EPHA3: variants seen among roughly 807,000 people sequenced by gnomAD.
EPHA3 encodes ephrin type-A receptor 3.
A neutral mutation model predicts 107.1 loss-of-function variants in EPHA3; 42 were observed. The observed-to-expected ratio is 0.39, with a 90% CI of 0.31 to 0.51. The LOEUF (loss-of-function observed/expected upper bound fraction) is 0.51. Among genes scored for constraint, EPHA3 ranks in the 20% least tolerant of loss-of-function variants. The probability of loss-of-function intolerance (pLI) is 0.78; values close to 1 mark genes in which losing one functional copy is unlikely to be tolerated. For synonymous variants in EPHA3, 461 were observed against 424.8 expected, an observed-to-expected ratio of 1.09 and a Z score of -1.05; for missense variants, 1,183 against 1,211.2, an observed-to-expected ratio of 0.98 and a Z score of 0.35.
rs999862750 is a variant in EPHA3 at position 89,479,796 on chromosome 3, C to G, written c.*294C>G. ...GAAGAACTAGCATATAGCCATTGAT[C>G]ATAAACTGACTATCATAAAATCAAA... On this transcript the variant is annotated 3_prime_UTR_variant, in exon 17 of 17. Transcript: ENST00000336596. 3.4e-6 allele frequency: 1 copy of G among 297,066 alleles called. No individual in the cohort carries two copies. Among genetic ancestry groups the G allele is most frequent in the African/African-American group, 2.1e-5 (1 of 46,782 alleles). The allele number at this position is 297,066 out of a possible 1,614,324, so 18.4% of individuals were successfully genotyped here.
intron 16 of EPHA3, 76 bp downstream of exon 16, chr3:89,472,695 C>T (rs1213117863): frequency 2.8e-6 from 4 of 1,431,532 alleles, no homozygotes; most frequent in African/African-American, 1.8e-5. Context: ...AGATTTGTAA[C>T]ATCTTGGCTT....
intron 15 of EPHA3, among the ~76,000 whole-genome samples, chr3:89,460,792 T>A (rs1358840894): frequency 7.0e-6 from 1 of 143,880 alleles, no homozygotes; most frequent in African/African-American, 2.6e-5. Context: ...GAATCGAATA[T>A]GCCGAATACC....
intron 5 of EPHA3, among the ~76,000 whole-genome samples, chr3:89,382,289 C>G (rs1708525663): frequency 6.6e-6 from 1 of 151,950 alleles, no homozygotes; most frequent in Non-Finnish European, 1.5e-5. Context: ...GGGTGGATTA[C>G]CTGAGGTCAA....
Position 89,480,510 on chromosome 3 carries a change from G to C in EPHA3, c.*1008G>C, listed in dbSNP as rs186325629. On this transcript the variant is annotated 3_prime_UTR_variant, in exon 17 of 17. Transcript: ENST00000336596. The stretch of plus-strand genomic sequence containing the variant: ...TAGAGACTATCAACTCCCTCCTTTA[G>C]TGAAGGAGCCGTGTTAGAGCTTCCG... 2 of 233,224 alleles carry C rather than the reference G, an allele frequency of 8.6e-6. No individual in the cohort carries two copies. Among genetic ancestry groups the C allele is most frequent in the African/African-American group, 4.4e-5 (2 of 45,364 alleles). 14.4% of individuals were successfully genotyped at this position (233,224 alleles called of 1,614,324 possible).
intron 3 of EPHA3, among the ~76,000 whole-genome samples, chr3:89,221,937 G>A (rs6804377): frequency 0.9 from 137,157 of 152,160 alleles, 62,140 homozygotes; most frequent in Admixed American, 0.94. Context: ...GGCAATGGTG[G>A]TATAAAAAGG....
intron 3 of EPHA3, among the ~76,000 whole-genome samples, chr3:89,294,127 A>G (rs1027267162): frequency 3.3e-5 from 5 of 152,274 alleles, no homozygotes; most frequent in African/African-American, 1.2e-4. Context: ...CTCCTAACCC[A>G]AAGTGACAAT....
In EPHA3 at chr3:89,407,278, T is replaced by C. The variant is rs1709073184; in HGVS notation, c.1604T>C (p.Ile535Thr). ...EFETSPDSFS[I>T]SGESSQVVMI... ...CTCTTCAACCTCACAGCTTTCTCCA[T>C]CTCTGGTGAAAGTAGCCAAGTGGTC... Residue 535 changes from isoleucine (I) to threonine (T), a missense_variant, in exon 8 of 17, where the codon ATC becomes ACC. Transcript: ENST00000336596. 2 of 1,612,538 alleles carry C rather than the reference T, an allele frequency of 1.2e-6. No individual in the cohort carries two copies. Among genetic ancestry groups the C allele is most frequent in the Non-Finnish European group, 1.7e-6 (2 of 1,178,854 alleles).
At chr3:89,320,889 T>A (rs1707026985) in intron 3 of EPHA3, among the ~76,000 whole-genome samples, 1 of 152,032 alleles carries the variant, frequency 6.6e-6, no homozygotes, top group Non-Finnish European at 1.5e-5. Context: ...AATGTGAAAT[T>A]GAGAAGATTC....
At chr3:89,117,083 G>A (rs1576160386) in intron 1 of EPHA3, among the ~76,000 whole-genome samples, 1 of 152,080 alleles carries the variant, frequency 6.6e-6, no homozygotes, top group African/African-American at 2.4e-5. Flanking sequence ...AGCAAATAGA[G>A]AATTGTGGGT....
At chr3:89,196,335 T>A (rs1001122354) in intron 2 of EPHA3, among the ~76,000 whole-genome samples, 5 of 152,186 alleles carry the variant, frequency 3.3e-5, no homozygotes, top group African/African-American at 7.2e-5. Flanking sequence ...CCTGAAAACA[T>A]AACACTATGT....
intron 5 of EPHA3, among the ~76,000 whole-genome samples, chr3:89,343,048 CTTACA>C (rs1204242639): frequency 6.6e-6 from 1 of 152,134 alleles, no homozygotes; most frequent in African/African-American, 2.4e-5. Flanking sequence ...CTTCATTTGG[CTTACA>C]TTATGGACAT....
intron 11 of EPHA3, 21 bp from the exon 12 acceptor site, chr3:89,429,082 ATTT>A: frequency 6.6e-7 from 1 of 1,509,122 alleles, no homozygotes; most frequent in Non-Finnish European, 9.2e-7. Flanking sequence ...ACTGATTATT[ATTT>A]ATTATTTACT....
At chr3:89,266,337 C>G (rs1292273963) in intron 3 of EPHA3, among the ~76,000 whole-genome samples, 6 of 152,154 alleles carry the variant, frequency 3.9e-5, no homozygotes, top group Non-Finnish European at 7.4e-5. Context: ...CTACACCTTA[C>G]AGCCATCATG....
intron 13 of EPHA3, among the ~76,000 whole-genome samples, chr3:89,433,685 C>T (rs1043404962): frequency 1.3e-5 from 2 of 152,116 alleles, no homozygotes; most frequent in Non-Finnish European, 2.9e-5. Context: ...TTAACAAACA[C>T]AATTCAAATG....
intron 5 of EPHA3, among the ~76,000 whole-genome samples, chr3:89,389,184 T>C (rs1708678461): frequency 6.6e-6 from 1 of 152,200 alleles, no homozygotes; most frequent in African/African-American, 2.4e-5. Flanking sequence ...GGGAAATCAG[T>C]GTAGGAATGG....
At chr3:89,108,948 T>C (rs1261714327) in intron 1 of EPHA3, among the ~76,000 whole-genome samples, 1 of 152,176 alleles carries the variant, frequency 6.6e-6, no homozygotes, top group Non-Finnish European at 1.5e-5. Flanking sequence ...TCATGTTATA[T>C]ACATCACTCC....
Position 89,479,568 on chromosome 3 carries a change from A to G in EPHA3, c.*66A>G. ...TGGAAGGCGTAGCATCATCCTGCAG[A>G]CAGACAATAATTCTGGAGATACTGG... is the stretch of plus-strand genomic sequence containing the variant. On this transcript the variant is annotated 3_prime_UTR_variant, in exon 17 of 17. Coordinates refer to ENST00000336596, the MANE Select transcript of EPHA3 (RefSeq NM_005233.6). 2 of 1,240,724 alleles carry G rather than the reference A, an allele frequency of 1.6e-6. No individual in the cohort carries two copies. Among genetic ancestry groups the G allele is most frequent in the Non-Finnish European group, 2.4e-6 (2 of 848,262 alleles). 76.9% of individuals were successfully genotyped at this position (1,240,724 alleles called of 1,614,324 possible). A position where few individuals can be genotyped will look rare whatever the true frequency, so the allele number is the denominator to read the frequency against.
intron 3 of EPHA3, among the ~76,000 whole-genome samples, chr3:89,284,950 A>T (rs1706042912): frequency 6.6e-6 from 1 of 152,072 alleles, no homozygotes; most frequent in African/African-American, 2.4e-5. Context: ...AACAGGGTGA[A>T]ACCCATTTCT....
intron 11 of EPHA3, among the ~76,000 whole-genome samples, chr3:89,426,705 A>G (rs1191881172): frequency 6.6e-6 from 1 of 151,948 alleles, no homozygotes; most frequent in African/African-American, 2.4e-5. Flanking sequence ...ATAAAAATGC[A>G]GTAACTGGCC....
Sources: allele counts gnomAD v4.1 joint callset (sites outside exome capture counted in the v4.1 genomes callset), GRCh38; gene constraint gnomAD v4.1.1; transcripts MANE v1.5; gene names NCBI Gene and HGNC (gene_info 2026-07-23, HGNC 2026-07-21).